The following SPAG16 variants were observed in gnomAD, a reference collection of about 807,000 sequenced individuals.
The protein encoded by SPAG16 is sperm-associated antigen 16 protein.
Under a neutral mutation model 80.4 loss-of-function variants are expected in SPAG16, and 86 were observed. The ratio of observed to expected loss-of-function variants is 1.07; its 90% CI spans 0.90 to 1.28. SPAG16 has a LOEUF of 1.28. Among genes scored for constraint, SPAG16 ranks in the 50% most tolerant of loss-of-function variants. SPAG16 has a pLI of 0.00. For synonymous variants in SPAG16, 294 were observed against 265.9 expected (o/e 1.11, Z -1.03); for missense variants, 870 against 765.3 (o/e 1.14, Z -1.61).
chr2:214,347,957 T>C (rs765338668), intron 15 of SPAG16, among the ~76,000 whole-genome samples: 2 of 152,150 alleles, frequency 1.3e-5, no homozygotes, highest in Non-Finnish European at 1.5e-5. Context: ...AGAATCATTC[T>C]TAGAGGGGCA....
intron 10 of SPAG16, among the ~76,000 whole-genome samples, chr2:213,626,542 T>G: frequency 6.6e-6 from 1 of 152,070 alleles, no homozygotes; most frequent in East Asian, 1.9e-4. Flanking sequence ...CAAATTTAAA[T>G]TTAGACAGTC....
intron 15 of SPAG16, among the ~76,000 whole-genome samples, chr2:214,390,767 G>C (rs1280603929): frequency 6.6e-6 from 1 of 152,124 alleles, no homozygotes; most frequent in Non-Finnish European, 1.5e-5. Context: ...AAAGTTACTA[G>C]AAGCATAGTT....
chr2:213,720,850 A>T (rs2066500356), intron 10 of SPAG16, among the ~76,000 whole-genome samples: 1 of 137,462 alleles, frequency 7.3e-6, no homozygotes, highest in African/African-American at 2.8e-5. Context: ...GGTTCAAGCG[A>T]TTCTCCTGCC....
chr2:213,982,100 G>A (rs1325398336), intron 12 of SPAG16, among the ~76,000 whole-genome samples: 3 of 149,938 alleles, frequency 2.0e-5, no homozygotes, highest in Non-Finnish European at 4.4e-5. Context: ...ATAAAATGAT[G>A]TTGTTATAAT....
chr2:214,061,748 A>G (rs1326665281), intron 13 of SPAG16, among the ~76,000 whole-genome samples: 1 of 152,134 alleles, frequency 6.6e-6, no homozygotes, highest in East Asian at 1.9e-4. Flanking sequence ...CATAAAATTA[A>G]TCACCATACT....
rs150417060 is a variant in SPAG16, at chr2:213,745,644, A to T, written c.1071-116841A>T. Among the ~76,000 whole-genome samples, 1,114 of 152,328 alleles carry T rather than the reference A, an allele frequency of 7.3e-3. 13 individuals are homozygous for T. The highest frequency in any genetic ancestry group is 0.025 in the African/African-American group (1,057 of 41,582). The stretch of plus-strand genomic sequence containing the variant: ...TATATCTGCATTTTCCAAAATTGTT[A>T]TATTTAAAAATAGCTTTGAATTTTG... On this transcript the variant is annotated intron_variant, in intron 10 of 15. Coordinates refer to ENST00000331683, the MANE Select transcript of SPAG16 (RefSeq NM_024532.5).
At chr2:213,942,879 A>C (rs1174399877) in intron 12 of SPAG16, among the ~76,000 whole-genome samples, 4 of 152,164 alleles carry the variant, frequency 2.6e-5, no homozygotes, top group African/African-American at 9.7e-5. Flanking sequence ...TAAATCTCCC[A>C]TGTGATGATA....
At chr2:214,047,329 TG>T (rs2049382760) in intron 13 of SPAG16, among the ~76,000 whole-genome samples, 1 of 152,092 alleles carries the variant, frequency 6.6e-6, no homozygotes, top group African/African-American at 2.4e-5. Context: ...AGCATGATAC[TG>T]GCATAAAAGC....
chr2:213,727,586 C>T (rs79492713), intron 10 of SPAG16, among the ~76,000 whole-genome samples: 2 of 152,108 alleles, frequency 1.3e-5, no homozygotes, highest in African/African-American at 4.8e-5. Flanking sequence ...GGAAATGTTT[C>T]TACATAGCAA....
chr2:214,021,697 A>C (rs914286963), intron 13 of SPAG16, among the ~76,000 whole-genome samples: 1 of 152,016 alleles, frequency 6.6e-6, no homozygotes, highest in Non-Finnish European at 1.5e-5. Flanking sequence ...TACAATACAA[A>C]ATTTAAAATA....
At chr2:213,542,576 G>T (rs2076483124) in intron 10 of SPAG16, among the ~76,000 whole-genome samples, 1 of 151,872 alleles carries the variant, frequency 6.6e-6, no homozygotes, top group Non-Finnish European at 1.5e-5. Context: ...TTAACCATGA[G>T]AATGTTAATG....
intron 11 of SPAG16, among the ~76,000 whole-genome samples, chr2:213,901,854 T>C (rs994987053): frequency 3.9e-5 from 6 of 152,118 alleles, no homozygotes; most frequent in Non-Finnish European, 7.3e-5. Flanking sequence ...GCCTGGAGTA[T>C]ATGGTTAAAA....
At position 214,392,763 on chromosome 2, in the gene SPAG16, C is replaced by T. The variant is rs950903887; in HGVS notation, c.1721-17377C>T. On this transcript the variant is annotated intron_variant, in intron 15 of 15. Transcript: ENST00000331683. ...AGAGTGGGAGAAGCAGGGACCCAAA[C>T]GCCTAAGAGAAATACTTCCATAGAA... is the stretch of plus-strand genomic sequence containing the variant. Among the ~76,000 whole-genome samples, 2 of 150,506 alleles carry T rather than the reference C, an allele frequency of 1.3e-5. 1 individual carries two copies. Among genetic ancestry groups the T allele is most frequent in the Non-Finnish European group, 2.9e-5 (2 of 67,830 alleles).
intron 13 of SPAG16, among the ~76,000 whole-genome samples, chr2:214,029,488 G>A (rs1251183627): frequency 6.6e-6 from 1 of 152,012 alleles, no homozygotes; most frequent in Non-Finnish European, 1.5e-5. Context: ...CGGGGAGAGG[G>A]GAAGGCAATG....
chr2:213,627,446 A>C (rs547902493), intron 10 of SPAG16, among the ~76,000 whole-genome samples: 1 of 152,320 alleles, frequency 6.6e-6, no homozygotes, highest in African/African-American at 2.4e-5. Flanking sequence ...CTGGAGGAAA[A>C]ATACTCACCA....
intron 10 of SPAG16, among the ~76,000 whole-genome samples, chr2:213,812,993 G>T (rs770639834): frequency 3.9e-5 from 6 of 152,074 alleles, no homozygotes; most frequent in Non-Finnish European, 8.8e-5. Context: ...GGTAAGAAAA[G>T]AAATGAAAGT....
intron 12 of SPAG16, among the ~76,000 whole-genome samples, chr2:214,007,714 C>T (rs1475347219): frequency 6.6e-6 from 1 of 152,126 alleles, no homozygotes; most frequent in Non-Finnish European, 1.5e-5. Context: ...TGTATAATTG[C>T]TCTGCACATT....
At chr2:213,794,900 T>C (rs1246384923) in intron 10 of SPAG16, among the ~76,000 whole-genome samples, 5 of 152,144 alleles carry the variant, frequency 3.3e-5, no homozygotes, top group South Asian at 2.1e-4. Context: ...ATAAATGGCA[T>C]GAATCTAAAG....
chr2:213,935,571 G>A (rs1377161416), intron 12 of SPAG16, among the ~76,000 whole-genome samples: 1 of 152,176 alleles, frequency 6.6e-6, no homozygotes, highest in Non-Finnish European at 1.5e-5. Flanking sequence ...GGTAATGCTT[G>A]TAAGACTAGT....
Sources: allele counts gnomAD v4.1 joint callset (sites outside exome capture counted in the v4.1 genomes callset), GRCh38; gene constraint gnomAD v4.1.1; transcripts MANE v1.5; gene names NCBI Gene and HGNC (gene_info 2026-07-23, HGNC 2026-07-21).